Variants in SRBD1 observed in about 807,000 individuals in gnomAD.
The protein encoded by SRBD1 is S1 RNA-binding domain-containing protein 1.
In SRBD1, 88 loss-of-function variants were observed where a neutral mutation model predicts 115.3. The ratio of observed to expected loss-of-function variants is 0.76; its 90% CI spans 0.64 to 0.91. The LOEUF is 0.91. SRBD1 is among the 40% of genes least tolerant of loss of function. SRBD1 has a pLI of 0.00. For missense variants in SRBD1, 1,385 were observed against 1,177.4 expected (o/e 1.18, Z -2.58); for synonymous variants, 509 against 407.7 (o/e 1.25, Z -2.99).
At chr2:45,531,038 C>T (rs529475604) in intron 14 of SRBD1, among the ~76,000 whole-genome samples, 1 of 151,962 alleles carries the variant, frequency 6.6e-6, no homozygotes, top group South Asian at 2.1e-4. Flanking sequence ...CTGCTCCCTA[C>T]ACACACATAC....
intron 14 of SRBD1, among the ~76,000 whole-genome samples, chr2:45,522,559 T>G (rs1243858575): frequency 6.6e-6 from 1 of 152,178 alleles, no homozygotes; most frequent in East Asian, 1.9e-4. Context: ...AACTGTTAAG[T>G]ATATAATGCA....
At chr2:45,580,368 T>C (rs1390318651) in intron 6 of SRBD1, among the ~76,000 whole-genome samples, 4 of 152,118 alleles carry the variant, frequency 2.6e-5, no homozygotes, top group Non-Finnish European at 4.4e-5. Flanking sequence ...TTTTTTGAGA[T>C]GGACTCTCGC....
chr2:45,470,056 G>A (rs1001348625), intron 16 of SRBD1, among the ~76,000 whole-genome samples: 6 of 152,134 alleles, frequency 3.9e-5, no homozygotes, highest in Non-Finnish European at 7.4e-5. Context: ...GACCGGGCAT[G>A]GGACAGACTC....
At chr2:45,609,552 A>C (rs1378717098) in intron 1 of SRBD1, among the ~76,000 whole-genome samples, 1 of 152,210 alleles carries the variant, frequency 6.6e-6, no homozygotes, top group Admixed American at 6.5e-5. Context: ...CCACATTTTT[A>C]TGAGGCCTTT....
chr2:45,490,406 A>G (rs1448658358), intron 14 of SRBD1, among the ~76,000 whole-genome samples: 1 of 152,174 alleles, frequency 6.6e-6, no homozygotes, highest in Admixed American at 6.5e-5. Flanking sequence ...AAAAAGGTTA[A>G]GAAACACTAC....
At chr2:45,528,803 G>T (rs1324817193) in intron 14 of SRBD1, among the ~76,000 whole-genome samples, 2 of 151,868 alleles carry the variant, frequency 1.3e-5, no homozygotes, top group African/African-American at 4.8e-5. Context: ...TAGAAAAAAT[G>T]ATTAACAGGC....
intron 20 of SRBD1, among the ~76,000 whole-genome samples, chr2:45,389,964 T>C (rs1666952693): frequency 6.6e-6 from 1 of 152,332 alleles, no homozygotes; most frequent in African/African-American, 2.4e-5. Context: ...GTAAGACCTT[T>C]GGAAACAAGA....
At chr2:45,548,717 C>CAAAAAAAAAAAAAAAAAA (rs60205757) in intron 12 of SRBD1, among the ~76,000 whole-genome samples, 1 of 139,982 alleles carries the variant, frequency 7.1e-6, no homozygotes, top group African/African-American at 2.6e-5. Context: ...TGAACAGATG[C>CAAAAAAAAAAAAAAAAAA]AAAAAAAAAA....
At chr2:45,571,486 A>G (rs1673008389) in intron 9 of SRBD1, among the ~76,000 whole-genome samples, 1 of 145,982 alleles carries the variant, frequency 6.9e-6, no homozygotes, top group African/African-American at 2.6e-5. Flanking sequence ...AGAGTTACCA[A>G]GTTATAAAAT....
At chr2:45,405,516 C>A (rs934374686) in intron 19 of SRBD1, among the ~76,000 whole-genome samples, 1 of 152,052 alleles carries the variant, frequency 6.6e-6, no homozygotes, top group East Asian at 1.9e-4. Flanking sequence ...AAGGCCTGAA[C>A]TAGGGATGTT....
intron 19 of SRBD1, among the ~76,000 whole-genome samples, chr2:45,412,893 G>A (rs1163647790): frequency 6.6e-6 from 1 of 152,152 alleles, no homozygotes; most frequent in Non-Finnish European, 1.5e-5. Context: ...TTCACCATTA[G>A]TATCAGGGTT....
intron 15 of SRBD1, among the ~76,000 whole-genome samples, chr2:45,486,593 C>A (rs549704203): frequency 1.3e-5 from 2 of 151,830 alleles, no homozygotes; most frequent in East Asian, 3.9e-4. Flanking sequence ...ATTAGCCAGG[C>A]GTGGTGGCAG....
chr2:45,483,271 A>G (rs560864789), intron 15 of SRBD1, among the ~76,000 whole-genome samples: 1 of 151,884 alleles, frequency 6.6e-6, no homozygotes, highest in Admixed American at 6.6e-5. Context: ...AGAGGAAGAC[A>G]ATTAATATGG....
chr2:45,480,580 T>C (rs913073610), intron 15 of SRBD1, among the ~76,000 whole-genome samples: 1 of 152,210 alleles, frequency 6.6e-6, no homozygotes, highest in Non-Finnish European at 1.5e-5. Flanking sequence ...CTTGACATAA[T>C]GAAGAGCTGC....
chr2:45,605,601 C>T (rs1366830143), intron 1 of SRBD1, among the ~76,000 whole-genome samples, 160 bp from the exon 2 acceptor site: 52 of 152,190 alleles, frequency 3.4e-4, no homozygotes, highest in Admixed American at 3.4e-3. Context: ...TGCTATGTAG[C>T]TGCCAATTAA....
At chr2:45,395,714 T>C (rs1667128376) in intron 19 of SRBD1, among the ~76,000 whole-genome samples, 1 of 152,196 alleles carries the variant, frequency 6.6e-6, no homozygotes, top group Non-Finnish European at 1.5e-5. Flanking sequence ...ACAGAGGAAC[T>C]GTAAAACGAA....
At chr2:45,454,265 G>T (rs1269106457) in intron 16 of SRBD1, among the ~76,000 whole-genome samples, 3 of 151,830 alleles carry the variant, frequency 2.0e-5, no homozygotes, top group Admixed American at 6.6e-5. Flanking sequence ...GTGAGATAAT[G>T]ACTGGGAGCA....
intron 11 of SRBD1, among the ~76,000 whole-genome samples, chr2:45,553,220 T>A (rs1260779353): frequency 6.6e-6 from 1 of 152,190 alleles, no homozygotes; most frequent in Non-Finnish European, 1.5e-5. Flanking sequence ...AATCTCCTAA[T>A]ATTTATCATT....
intron 5 of SRBD1, among the ~76,000 whole-genome samples, 155 bp downstream of exon 5, chr2:45,585,453 C>T (rs1673488324): frequency 6.6e-6 from 1 of 152,152 alleles, no homozygotes. Flanking sequence ...AGAGGGACTC[C>T]ATACACTCGC....
Sources: allele counts gnomAD v4.1 joint callset (sites outside exome capture counted in the v4.1 genomes callset), GRCh38; gene constraint gnomAD v4.1.1; transcripts MANE v1.5; gene names NCBI Gene and HGNC (gene_info 2026-07-23, HGNC 2026-07-21).